The following FOXP1 variants were observed in gnomAD, a reference collection of about 807,000 sequenced individuals.
FOXP1 encodes the protein forkhead box P1.
A neutral mutation model predicts 98.2 loss-of-function variants in FOXP1; 15 were observed. That is an observed-to-expected ratio of 0.15 (90% CI 0.10 to 0.24). The LOEUF (loss-of-function observed/expected upper bound fraction) is 0.24, where lower values mean the gene tolerates loss of function less well. Among genes scored for constraint, FOXP1 ranks in the 10% least tolerant of loss-of-function variants. The probability of loss-of-function intolerance (pLI) is 1.00; values close to 1 mark genes in which losing one functional copy is unlikely to be tolerated. For synonymous variants in FOXP1, 371 were observed against 314.5 expected (o/e 1.18, Z -1.90); for missense variants, 633 against 848.5 (o/e 0.75, Z 3.15).
chr3:71,267,932 C>T (rs1560212269), intron 5 of FOXP1, among the ~76,000 whole-genome samples: 3 of 150,150 alleles, frequency 2.0e-5, no homozygotes, highest in Admixed American at 2.0e-4. Context: ...GCAGAAGAAT[C>T]GCTTGAACTT....
At chr3:71,049,993 A>C (rs1367762999) in intron 9 of FOXP1, among the ~76,000 whole-genome samples, 1 of 152,178 alleles carries the variant, frequency 6.6e-6, no homozygotes, top group Non-Finnish European at 1.5e-5. Flanking sequence ...CTCCTGGGTC[A>C]CCTTTGCCTG....
intron 2 of FOXP1, among the ~76,000 whole-genome samples, chr3:71,514,966 T>C (rs1312798166): frequency 6.6e-6 from 1 of 152,178 alleles, no homozygotes; most frequent in East Asian, 1.9e-4. Context: ...AAAAATTAAT[T>C]AGACTCACAG....
At chr3:71,396,579 G>T (rs1311129721) in intron 3 of FOXP1, among the ~76,000 whole-genome samples, 1 of 152,006 alleles carries the variant, frequency 6.6e-6, no homozygotes, top group Non-Finnish European at 1.5e-5. Flanking sequence ...AGGAGCCATG[G>T]TCAGCTAAGA....
intron 4 of FOXP1, among the ~76,000 whole-genome samples, chr3:71,343,182 T>C (rs1349699457): frequency 6.6e-6 from 1 of 152,198 alleles, no homozygotes; most frequent in African/African-American, 2.4e-5. Flanking sequence ...CTCACTAACA[T>C]AGAGATGGCA....
intron 6 of FOXP1, among the ~76,000 whole-genome samples, chr3:71,187,638 T>G (rs1294204006): frequency 6.6e-6 from 1 of 152,324 alleles, no homozygotes; most frequent in East Asian, 1.9e-4. Flanking sequence ...ACATGTGATA[T>G]ATACATATAG....
chr3:71,070,091 T>C (rs1297277373), intron 7 of FOXP1, among the ~76,000 whole-genome samples: 1 of 152,180 alleles, frequency 6.6e-6, no homozygotes, highest in African/African-American at 2.4e-5. Context: ...CTACTTCAAC[T>C]TATTCAAAAG....
chr3:71,264,823 A>T (rs564696001), intron 5 of FOXP1, among the ~76,000 whole-genome samples: 3 of 152,354 alleles, frequency 2.0e-5, no homozygotes, highest in South Asian at 4.1e-4. Context: ...AGTGTTCATT[A>T]TACACTAGGC....
At chr3:71,248,391 ACC>A (rs1406184651) in intron 5 of FOXP1, among the ~76,000 whole-genome samples, 1 of 152,142 alleles carries the variant, frequency 6.6e-6, no homozygotes, top group East Asian at 1.9e-4. Context: ...AGAAGTCAGG[ACC>A]CACAGTCAGA....
chr3:71,090,144 A>G (rs2055636166), intron 7 of FOXP1, among the ~76,000 whole-genome samples: 1 of 152,200 alleles, frequency 6.6e-6, no homozygotes, highest in African/African-American at 2.4e-5. Context: ...ATCAGTTTGC[A>G]ATCTCTAATG....
intron 6 of FOXP1, among the ~76,000 whole-genome samples, chr3:71,195,260 T>C (rs1377231303): frequency 3.9e-5 from 6 of 152,224 alleles, no homozygotes; most frequent in African/African-American, 2.4e-5. Flanking sequence ...ATGGAACTAG[T>C]GCACTCCATA....
At chr3:70,972,413 T>C (rs1156403682) in intron 18 of FOXP1, 142 bp downstream of exon 18, 1 of 1,243,342 alleles carries the variant, frequency 8.0e-7, no homozygotes, top group Non-Finnish European at 1.2e-6. Flanking sequence ...ACAGGAGGGA[T>C]GAAATGCTTT....
At chr3:71,312,886 G>C (rs2074793617) in intron 4 of FOXP1, among the ~76,000 whole-genome samples, 1 of 152,088 alleles carries the variant, frequency 6.6e-6, no homozygotes, top group Admixed American at 6.5e-5. Context: ...AGGTACTCAG[G>C]AGGCTGAGGT....
intron 3 of FOXP1, among the ~76,000 whole-genome samples, chr3:71,472,135 G>T (rs2089418762): frequency 3.3e-5 from 5 of 152,078 alleles, no homozygotes. Context: ...TATTTTTGTT[G>T]GGGGAGGAGT....
intron 2 of FOXP1, among the ~76,000 whole-genome samples, chr3:71,518,868 A>G (rs1184937131): frequency 6.6e-6 from 1 of 152,242 alleles, no homozygotes; most frequent in Non-Finnish European, 1.5e-5. Flanking sequence ...GCCAGACACT[A>G]TGCAAAGCAT....
chr3:71,365,665 T>G (rs756472201), intron 3 of FOXP1, among the ~76,000 whole-genome samples: 46 of 152,268 alleles, frequency 3.0e-4, no homozygotes, highest in Middle Eastern at 3.4e-3. Context: ...TTCCCTAAAT[T>G]AGAAGCAAAC....
In FOXP1 at chr3:70,956,773, T is replaced by A. The variant is rs566360319; in HGVS notation, c.*2474A>T. On this transcript the variant is annotated 3_prime_UTR_variant, in exon 21 of 21. Transcript: ENST00000649528. ...TTTTTTTTTTTTTTTTTTTTTTTTT[T>A]AAAGTCTTGCGTGACCACAGACTGC... is the stretch of plus-strand genomic sequence containing the variant. 115 of 147,102 alleles carry A rather than the reference T, an allele frequency of 7.8e-4. No individual in the cohort carries two copies. Among genetic ancestry groups the A allele is most frequent in the South Asian group, 2.1e-3 (8 of 3,784 alleles). 9.1% of individuals were successfully genotyped at this position (147,102 alleles called of 1,614,324 possible).
chr3:71,221,957 A>G (rs2065424271), intron 5 of FOXP1, among the ~76,000 whole-genome samples: 1 of 152,200 alleles, frequency 6.6e-6, no homozygotes, highest in African/African-American at 2.4e-5. Flanking sequence ...GATCGAGACC[A>G]TCCTGGCCAA....
At chr3:71,260,369 G>C (rs1373216432) in intron 5 of FOXP1, among the ~76,000 whole-genome samples, 1 of 152,080 alleles carries the variant, frequency 6.6e-6, no homozygotes, top group Non-Finnish European at 1.5e-5. Context: ...TACCCTTTTG[G>C]CCATGTTTTG....
rs533541961 is a variant in FOXP1, at chr3:71,162,591, C to G, written c.180+35611G>C. On this transcript the variant is annotated intron_variant, in intron 6 of 20. Transcript: ENST00000649528. ...GCAGAGAACGTCATAAACAAGGTCC[C>G]CACCTTATTGGAACTTACATTCAGT... is the stretch of plus-strand genomic sequence containing the variant. Among the ~76,000 whole-genome samples, 25 of 152,272 alleles carry G rather than the reference C, an allele frequency of 1.6e-4. 1 individual carries two copies. Among genetic ancestry groups the G allele is most frequent in the African/African-American group, 5.8e-4 (24 of 41,552 alleles).
Sources: gnomAD v4.1 joint callset for allele counts (sites outside exome capture counted in the v4.1 genomes callset) on GRCh38, gnomAD v4.1.1 for gene constraint, MANE v1.5 for transcripts, NCBI Gene and HGNC (gene_info 2026-07-23, HGNC 2026-07-21) for gene names.